UXS1: variants seen among roughly 807,000 people sequenced by gnomAD.
UXS1 encodes the protein UDP-glucuronic acid decarboxylase 1.
A neutral mutation model predicts 62.6 loss-of-function variants in UXS1; 33 were observed. The ratio of observed to expected loss-of-function variants is 0.53; its 90% CI spans 0.40 to 0.70. UXS1 has a LOEUF of 0.70. Among genes scored for constraint, UXS1 ranks in the 30% least tolerant of loss-of-function variants. The pLI, the probability that UXS1 is intolerant of heterozygous loss-of-function variation, is 0.00. For synonymous variants in UXS1, 213 were observed against 206.8 expected, an observed-to-expected ratio of 1.03 and a Z score of -0.26; for missense variants, 434 against 556.3, an observed-to-expected ratio of 0.78 and a Z score of 2.21.
intron 5 of UXS1, among the ~76,000 whole-genome samples, chr2:106,154,281 C>T (rs963361220): frequency 8.5e-5 from 13 of 152,186 alleles, no homozygotes; most frequent in African/African-American, 2.6e-4. Flanking sequence ...CTAGAAATCC[C>T]GCAAACCAAA....
At chr2:106,116,420 T>C (rs962552364) in intron 9 of UXS1, among the ~76,000 whole-genome samples, 11 of 152,196 alleles carry the variant, frequency 7.2e-5, no homozygotes, top group Admixed American at 1.3e-4. Context: ...CAACTCGAGA[T>C]GGCCATCTTG....
At chr2:106,168,731 T>C (rs376683802) in intron 1 of UXS1, among the ~76,000 whole-genome samples, 3 of 152,284 alleles carry the variant, frequency 2.0e-5, no homozygotes, top group African/African-American at 7.2e-5. Flanking sequence ...ATCCCATAAT[T>C]AGAGAATTGC....
intron 14 of UXS1, 59 bp from the exon 15 acceptor site, chr2:106,094,216 G>GGAAGGAAGTGCCACCTTGCAA: frequency 3.7e-6 from 6 of 1,603,918 alleles, no homozygotes; most frequent in Non-Finnish European, 5.1e-6. Context: ...GGGCATCGCA[G>GGAAGGAAGTGCCACCTTGCAA]GAAGGAAGTG....
chr2:106,094,261 A>ACCTTGCAGCCG, intron 14 of UXS1, 104 bp from the exon 15 acceptor site: 1 of 1,424,612 alleles, frequency 7.0e-7, no homozygotes, highest in East Asian at 2.3e-5. Context: ...CCTTGCAGCC[A>ACCTTGCAGCCG]GTCAGGCCTC....
At chr2:106,157,979 CTA>C in intron 5 of UXS1, 77 bp downstream of exon 5, 1 of 1,244,270 alleles carries the variant, frequency 8.0e-7, no homozygotes, top group Non-Finnish European at 1.1e-6. Flanking sequence ...AGCGTGAATT[CTA>C]TGATATGTGA....
intron 6 of UXS1, chr2:106,138,732 C>T (rs562498963): frequency 5.8e-5 from 57 of 985,436 alleles, no homozygotes; most frequent in Admixed American, 1.2e-4. Context: ...ATCAGACTGT[C>T]GAGACGTTCA....
intron 11 of UXS1, chr2:106,102,762 A>C (rs1263793604): frequency 6.6e-6 from 1 of 152,168 alleles, no homozygotes; most frequent in Non-Finnish European, 1.5e-5. Flanking sequence ...GTTCCTAAAA[A>C]ATTGCTTGTG....
intron 7 of UXS1, among the ~76,000 whole-genome samples, chr2:106,126,478 A>T (rs1679964728): frequency 6.6e-6 from 1 of 152,084 alleles, no homozygotes; most frequent in South Asian, 2.1e-4. Flanking sequence ...AGCAGGGGCC[A>T]ACACATGCCC....
chr2:106,178,596 ATG>A (rs1193539571), intron 1 of UXS1, among the ~76,000 whole-genome samples: 2 of 151,782 alleles, frequency 1.3e-5, no homozygotes, highest in East Asian at 1.9e-4. Flanking sequence ...ATGTACATGT[ATG>A]TGTGTGTATA....
Position 106,129,873 on chromosome 2 carries a change from T to C in UXS1, c.473-95A>G, listed in dbSNP as rs1056256896. 5 of 656,562 alleles carry C rather than the reference T, an allele frequency of 7.6e-6. No homozygotes were observed. In the African/African-American group the frequency reaches 9.4e-5, roughly 12 times the overall value. 40.7% of individuals were successfully genotyped at this position (656,562 alleles called of 1,614,324 possible). The stretch of plus-strand genomic sequence containing the variant: ...ATACTGTATAATAAACGTATTAGTA[T>C]ATCTTTCACTGAAATCAAGTTATTT... On this transcript the variant is annotated intron_variant, in intron 6 of 14. Transcript: ENST00000283148.
intron 9 of UXS1, among the ~76,000 whole-genome samples, chr2:106,118,970 G>A (rs1009895510): frequency 1.3e-5 from 2 of 152,184 alleles, no homozygotes; most frequent in East Asian, 1.9e-4. Flanking sequence ...TATGCCAGAC[G>A]TACTATTCCA....
chr2:106,145,379 G>A lies in UXS1; in HGVS notation c.292-9C>T, dbSNP rs536041995. On this transcript the variant is annotated splice_polypyrimidine_tract_variant and intron_variant, in intron 5 of 14. Coordinates refer to ENST00000283148, the MANE Select transcript of UXS1 (RefSeq NM_001253875.2). The stretch of plus-strand genomic sequence containing the variant: ...CCTGCGCCTCCTGTTATCTGCATCC[G>A]GACAGCGTGTGCAGAGCATTCCCAG... The A allele has an allele frequency of 1.7e-5, 27 of 1,609,440 alleles. 1 individual carries two copies. The highest frequency in any genetic ancestry group is 1.6e-4 in the South Asian group (14 of 90,274).
At chr2:106,176,444 G>C (rs1294255260) in intron 1 of UXS1, among the ~76,000 whole-genome samples, 1 of 152,218 alleles carries the variant, frequency 6.6e-6, no homozygotes, top group Non-Finnish European at 1.5e-5. Flanking sequence ...ACTGCTCTGT[G>C]TTTAATTCTC....
At chr2:106,103,316 A>C (rs1677750332) in intron 11 of UXS1, among the ~76,000 whole-genome samples, 1 of 152,214 alleles carries the variant, frequency 6.6e-6, no homozygotes, top group African/African-American at 2.4e-5. Context: ...TTTACCGCAC[A>C]ACATCTCATT....
chr2:106,111,554 G>T (rs942117876), intron 10 of UXS1, among the ~76,000 whole-genome samples: 4 of 152,154 alleles, frequency 2.6e-5, no homozygotes, highest in Non-Finnish European at 5.9e-5. Flanking sequence ...TGAAGAGCGG[G>T]GGCTCTGGCT....
At chr2:106,187,576 A>G (rs967746223) in intron 1 of UXS1, among the ~76,000 whole-genome samples, 8 of 152,126 alleles carry the variant, frequency 5.3e-5, no homozygotes, top group Non-Finnish European at 1.2e-4. Context: ...ACTAAGACAC[A>G]TAAAACACTC....
At position 106,110,838 on chromosome 2, in the gene UXS1, G is replaced by C; in HGVS notation, c.879+1808C>G. Among the ~76,000 whole-genome samples the C allele has an allele frequency of 1.3e-5, 2 of 152,200 alleles. 1 individual carries two copies. The highest frequency in any genetic ancestry group is 2.9e-5 in the Non-Finnish European group (2 of 68,040). On this transcript the variant is annotated intron_variant, in intron 10 of 14. Transcript: ENST00000283148. Reference sequence around the variant, plus strand: ...AAATTCGTATTTCAGTTGGTTACAAGGGCACTGAAGACAACTAACATGGTT... The same window carrying C: ...AAATTCGTATTTCAGTTGGTTACAACGGCACTGAAGACAACTAACATGGTT...
intron 12 of UXS1, among the ~76,000 whole-genome samples, chr2:106,099,213 A>G (rs531774079): frequency 6.6e-6 from 1 of 152,342 alleles, no homozygotes; most frequent in South Asian, 2.1e-4. Context: ...CCCAAAAGCT[A>G]AGGCAGAAAT....
At chr2:106,172,794 T>C (rs571210617) in intron 1 of UXS1, among the ~76,000 whole-genome samples, 59 of 152,196 alleles carry the variant, frequency 3.9e-4, no homozygotes, top group Non-Finnish European at 6.2e-4. Flanking sequence ...CCACCACCTA[T>C]TGCCCATCTC....
Sources: gnomAD v4.1 joint callset for allele counts (sites outside exome capture counted in the v4.1 genomes callset) on GRCh38, gnomAD v4.1.1 for gene constraint, MANE v1.5 for transcripts, NCBI Gene and HGNC (gene_info 2026-07-23, HGNC 2026-07-21) for gene names.